Variants in STAT5A observed in about 807,000 individuals in gnomAD.
STAT5A encodes epididymis secretory sperm binding protein.
A neutral mutation model predicts 100.2 loss-of-function variants in STAT5A; 26 were observed. The observed-to-expected ratio is 0.26, with a 90% CI of 0.19 to 0.36. The LOEUF (loss-of-function observed/expected upper bound fraction) is 0.36. Among genes scored for constraint, STAT5A ranks in the 10% least tolerant of loss-of-function variants. STAT5A has a pLI of 1.00. For synonymous variants in STAT5A, 330 were observed against 424.3 expected, an observed-to-expected ratio of 0.78 and a Z score of 2.73; for missense variants, 634 against 1,027.5, an observed-to-expected ratio of 0.62 and a Z score of 5.24.
intron 3 of STAT5A, among the ~76,000 whole-genome samples, chr17:42,291,181 C>A (rs2080865069): frequency 6.6e-6 from 1 of 152,198 alleles, no homozygotes; most frequent in South Asian, 2.1e-4. Context: ...GTGCAGTTCA[C>A]AATAGGGTTA....
chr17:42,289,636 C>T (rs1435567730), intron 2 of STAT5A, 97 bp downstream of exon 2: 13 of 1,505,854 alleles, frequency 8.6e-6, no homozygotes, highest in Non-Finnish European at 1.2e-5. Flanking sequence ...TGACTCTGGT[C>T]CTGCCTGTCC....
chr17:42,305,733 C>G (rs772825500), intron 12 of STAT5A, 31 bp downstream of exon 12: 2 of 1,608,340 alleles, frequency 1.2e-6, no homozygotes, highest in Non-Finnish European at 1.7e-6. Context: ...TACCCCAGCA[C>G]CCCCAGGCCC....
chr17:42,289,390 G>C lies in STAT5A; in HGVS notation c.-10-12G>C, dbSNP rs1010390796. On this transcript the variant is annotated splice_polypyrimidine_tract_variant and intron_variant, in intron 1 of 18. Coordinates refer to ENST00000590949, the MANE Select transcript of STAT5A (RefSeq NM_001288718.2). The stretch of plus-strand genomic sequence containing the variant: ...TGCAGAGGAGAGCGCTTCAGCGCTC[G>C]GCTCGCCCTAGGTGAACGGCCATGG... The C allele has an allele frequency of 1.5e-5, 24 of 1,597,280 alleles. No homozygotes were observed. The highest frequency in any genetic ancestry group is 6.9e-5 in the Admixed American group (4 of 58,208).
intron 13 of STAT5A, among the ~76,000 whole-genome samples, chr17:42,306,868 T>C (rs1363424557): frequency 6.6e-6 from 1 of 152,078 alleles, no homozygotes; most frequent in Non-Finnish European, 1.5e-5. Flanking sequence ...TATAGGTGCC[T>C]GCCACCATGC....
rs145218627 is a variant in STAT5A, at chr17:42,307,452, G to A, written c.1731G>A (p.Val577=). The A allele has an allele frequency of 2.4e-5, 38 of 1,613,992 alleles. No homozygotes were observed. The highest frequency in any genetic ancestry group is 2.9e-5 in the Non-Finnish European group (34 of 1,180,018). ...CCTTCTGGCAGTGGTTTGACGGGGT[G>A]ATGGAGGTGTTGAAGAAGCACCACA... ...NYTFWQWFDG[V]MEVLKKHHKP... Residue 577 remains valine (V), a synonymous_variant, in exon 14 of 19, where the codon GTG becomes GTA. Transcript: ENST00000590949.
chr17:42,289,585 C>T (rs1268407655), intron 2 of STAT5A, 46 bp downstream of exon 2: 2 of 1,594,214 alleles, frequency 1.3e-6, no homozygotes, highest in East Asian at 2.3e-5. Flanking sequence ...CCCTACCATC[C>T]AGGCCCTTTG....
At chr17:42,290,167 C>T (rs1351702262) in intron 3 of STAT5A, 145 bp downstream of exon 3, 20 of 1,191,230 alleles carry the variant, frequency 1.7e-5, no homozygotes, top group Non-Finnish European at 2.0e-5. Flanking sequence ...TCCCCCACCC[C>T]CTCTTTCTAA....
At position 42,290,966 on chromosome 17, in the gene STAT5A, C is replaced by T. The variant is rs1027033245; in HGVS notation, c.285+944C>T. ...GTTTCTGGATGATTCAAGAGCATCACGTTTATTGTGCACTTTATTTCTATT... is the reference window on the plus strand; with the variant it reads ...GTTTCTGGATGATTCAAGAGCATCATGTTTATTGTGCACTTTATTTCTATT... On this transcript the variant is annotated intron_variant, in intron 3 of 18. Coordinates refer to ENST00000590949, the MANE Select transcript of STAT5A (RefSeq NM_001288718.2). Among the ~76,000 whole-genome samples the T allele has an allele frequency of 5.3e-5, 8 of 152,134 alleles. No individual in the cohort carries two copies. The East Asian group carries it at 7.7e-4, about 15-fold the overall frequency.
rs144628361 is a variant in STAT5A, at chr17:42,292,416, C to T, written c.375+355C>T. On this transcript the variant is annotated intron_variant, in intron 4 of 18. Transcript: ENST00000590949. Reference sequence around the variant, plus strand: ...TGATCTCGGCTCACTGCAAGCTCTGCCTTCCAGGTTCACACCATTCTCCTG... The same window carrying T: ...TGATCTCGGCTCACTGCAAGCTCTGTCTTCCAGGTTCACACCATTCTCCTG... Among the ~76,000 whole-genome samples, 522 of 152,092 alleles carry T rather than the reference C, an allele frequency of 3.4e-3. 3 individuals carry two copies. Among genetic ancestry groups the T allele is most frequent in the African/African-American group, 0.012 (501 of 41,460 alleles).
chr17:42,309,504 G>A lies in STAT5A; in HGVS notation c.2222+20G>A, dbSNP rs1412521121. 6.2e-7 allele frequency: 1 copy of A among 1,610,374 alleles called. No homozygotes were observed. The highest frequency in any genetic ancestry group is 1.7e-5 in the Admixed American group (1 of 59,780). ...ACAGAAGTAGGTGGTGTTCTCATGGGGTCCGCAGGGGAAGAACTGGGGACT... is the reference window on the plus strand; with the variant it reads ...ACAGAAGTAGGTGGTGTTCTCATGGAGTCCGCAGGGGAAGAACTGGGGACT... On this transcript the variant is annotated intron_variant, in intron 18 of 18. Transcript: ENST00000590949.
chr17:42,306,358 G>A lies in STAT5A; in HGVS notation c.1591G>A (p.Val531Met), dbSNP rs745410561. The change falls in exon 13 of 19, where the codon GTG becomes ATG. Residue 531 changes from valine (V) to methionine (M), a missense_variant. Transcript: ENST00000590949. Reference sequence around the variant, plus strand: ...CCGGGGCCTGACCAAGGAGAACCTCGTGTTCCTGGCGCAGAAACTGTTCAA... The same window carrying A: ...CCGGGGCCTGACCAAGGAGAACCTCATGTTCCTGGCGCAGAAACTGTTCAA... Reference protein sequence around the residue: ...SNRGLTKENLVFLAQKLFNNS... With the variant: ...SNRGLTKENLMFLAQKLFNNS... The A allele has an allele frequency of 9.9e-6, 16 of 1,614,014 alleles. No homozygotes were observed. The highest frequency in any genetic ancestry group is 4.0e-5 in the African/African-American group (3 of 74,908).
At position 42,289,618 on chromosome 17, in the gene STAT5A, G is replaced by A. The variant is rs1316235187; in HGVS notation, c.128+79G>A. The A allele has an allele frequency of 2.6e-6, 4 of 1,549,970 alleles. No individual in the cohort carries two copies. In the South Asian group the frequency reaches 3.7e-5, roughly 14 times the overall value. On this transcript the variant is annotated intron_variant, in intron 2 of 18. Coordinates refer to ENST00000590949, the MANE Select transcript of STAT5A (RefSeq NM_001288718.2). ...TTGGCCTCTAGTTTTACTCATGGTG[G>A]TTTGGTGTGACTCTGGTCCTGCCTG...
At chr17:42,293,102 A>G (rs1175951920) in intron 4 of STAT5A, among the ~76,000 whole-genome samples, 1 of 152,256 alleles carries the variant, frequency 6.6e-6, no homozygotes, top group Admixed American at 6.5e-5. Flanking sequence ...GTGCTGTACT[A>G]TCTGCAATAG....
rs1427454888 is a variant in STAT5A at position 42,288,819 on chromosome 17, G to A, written c.-11+221G>A. On this transcript the variant is annotated intron_variant, in intron 1 of 18. Coordinates refer to ENST00000590949, the MANE Select transcript of STAT5A (RefSeq NM_001288718.2). This position sits in a 1 kb window ranked among gnomAD's most constrained non-coding sequence, Gnocchi z 4.8. ...GCCAGGGAGGGCGCCGTCCTGGCACGCCTCGGAGAGGGAGCACCTGTCGGG... is the reference window on the plus strand; with the variant it reads ...GCCAGGGAGGGCGCCGTCCTGGCACACCTCGGAGAGGGAGCACCTGTCGGG... Among the ~76,000 whole-genome samples, 2 of 152,002 alleles carry A rather than the reference G, an allele frequency of 1.3e-5. No individual in the cohort carries two copies. Among genetic ancestry groups the A allele is most frequent in the Non-Finnish European group, 2.9e-5 (2 of 68,032 alleles).
chr17:42,305,137 C>T (rs764987440), intron 11 of STAT5A, among the ~76,000 whole-genome samples: 1 of 152,134 alleles, frequency 6.6e-6, no homozygotes, highest in Non-Finnish European at 1.5e-5. Flanking sequence ...GAGGTCAAGG[C>T]TGCAGTGAGC....
At chr17:42,305,842 T>G in intron 12 of STAT5A, 140 bp downstream of exon 12, 1 of 869,946 alleles carries the variant, frequency 1.1e-6, no homozygotes, top group Non-Finnish European at 1.7e-6. Flanking sequence ...CCAGAAGGGC[T>G]GGGGTGCTGG....
chr17:42,310,739 A>G lies in STAT5A; in HGVS notation c.*70A>G. On this transcript the variant is annotated 3_prime_UTR_variant, in exon 19 of 19. Transcript: ENST00000590949. ...AAGCGGTCGTGTTGTGAGTTTAGTA[A>G]GGCTGTGTACACTGACACCTTTGCA... 2.5e-6 allele frequency: 4 copies of G among 1,601,810 alleles called. No individual in the cohort carries two copies. In the South Asian group the frequency reaches 4.5e-5, roughly 18 times the overall value.
At position 42,309,374 on chromosome 17, in the gene STAT5A, C is replaced by T; in HGVS notation, c.2115-3C>T. 1 of 1,612,474 alleles carries T rather than the reference C, an allele frequency of 6.2e-7. No individual in the cohort carries two copies. Among genetic ancestry groups the T allele is most frequent in the Non-Finnish European group, 8.5e-7 (1 of 1,179,960 alleles). ...CTGAAGCTCTGTTCTCTTCCTTCTGCAGGTTTGTGAATGCATCTGCAGATG... is the reference window on the plus strand; with the variant it reads ...CTGAAGCTCTGTTCTCTTCCTTCTGTAGGTTTGTGAATGCATCTGCAGATG... On this transcript the variant is annotated splice_region_variant and splice_polypyrimidine_tract_variant and intron_variant, in intron 17 of 18. Transcript: ENST00000590949.
chr17:42,304,761 T>C lies in STAT5A; in HGVS notation c.1380+109T>C. 4 of 1,519,626 alleles carry C rather than the reference T, an allele frequency of 2.6e-6. No homozygotes were observed. Among genetic ancestry groups the C allele is most frequent in the South Asian group, 2.5e-5 (2 of 79,356 alleles). The allele number at this position is 1,519,626 out of a possible 1,614,324, so 94.1% of individuals were successfully genotyped here. ...GCCATCGGACAGCCTGCTTTGACTC[T>C]GTGGGTCCCTGTTTGATAGGTTATA... On this transcript the variant is annotated intron_variant, in intron 11 of 18. Transcript: ENST00000590949. This position sits in a 1 kb window ranked among gnomAD's most constrained non-coding sequence, Gnocchi z 4.8.
Sources: gnomAD v4.1 joint callset for allele counts (sites outside exome capture counted in the v4.1 genomes callset) on GRCh38, gnomAD v4.1.1 for gene constraint, Gnocchi (gnomAD v3.1) non-coding constraint, MANE v1.5 for transcripts, NCBI Gene and HGNC (gene_info 2026-07-23, HGNC 2026-07-21) for gene names.